The following ITIH5 variants were observed in gnomAD, a reference collection of about 807,000 sequenced individuals.
ITIH5 encodes inter-alpha-trypsin inhibitor heavy chain 5.
A neutral mutation model predicts 77.5 loss-of-function variants in ITIH5; 65 were observed. That is an observed-to-expected ratio of 0.84 (90% CI 0.69 to 1.03). The LOEUF is 1.03. Ranked by LOEUF, ITIH5 falls within the 50% of genes least tolerant of loss-of-function variation. The pLI, the probability that ITIH5 is intolerant of heterozygous loss-of-function variation, is 0.00. For missense variants in ITIH5, 1,208 were observed against 1,213.1 expected (o/e 1.00, Z 0.06); for synonymous variants, 525 against 494.3 (o/e 1.06, Z -0.82).
chr10:7,659,505 G>A (rs1421434128), intron 1 of ITIH5, among the ~76,000 whole-genome samples: 1 of 152,194 alleles, frequency 6.6e-6, no homozygotes, highest in Non-Finnish European at 1.5e-5. Flanking sequence ...AGTCTTGCAT[G>A]ATCATCTCTT....
intron 5 of ITIH5, among the ~76,000 whole-genome samples, chr10:7,631,494 C>T (rs1023773759): frequency 2.8e-5 from 4 of 143,650 alleles, no homozygotes; most frequent in Non-Finnish European, 6.0e-5. Flanking sequence ...AACAATCATG[C>T]TTTTCTCCAA....
At chr10:7,661,171 A>T (rs1834270856) in intron 1 of ITIH5, among the ~76,000 whole-genome samples, 1 of 151,620 alleles carries the variant, frequency 6.6e-6, no homozygotes, top group South Asian at 2.1e-4. Flanking sequence ...CATCCCTCCC[A>T]CCCCCATTCC....
chr10:7,647,443 A>G (rs967141779), intron 2 of ITIH5, among the ~76,000 whole-genome samples: 2 of 152,148 alleles, frequency 1.3e-5, no homozygotes, highest in Non-Finnish European at 2.9e-5. Flanking sequence ...CCCCAGAGCA[A>G]CCTCCAGCAA....
At chr10:7,643,010 G>A (rs910736345) in intron 2 of ITIH5, among the ~76,000 whole-genome samples, 2 of 152,238 alleles carry the variant, frequency 1.3e-5, no homozygotes, top group Non-Finnish European at 2.9e-5. Flanking sequence ...TTGGAGATGA[G>A]TGCCTTTGGG....
intron 13 of ITIH5, among the ~76,000 whole-genome samples, chr10:7,565,390 AC>A (rs1360200809): frequency 6.7e-6 from 1 of 148,900 alleles, no homozygotes; most frequent in African/African-American, 2.5e-5. Flanking sequence ...ATATATACAC[AC>A]ATATCATGCA....
chr10:7,643,178 C>A (rs953699608), intron 2 of ITIH5, among the ~76,000 whole-genome samples: 16 of 152,174 alleles, frequency 1.1e-4, no homozygotes, highest in Admixed American at 4.6e-4. Context: ...TGTCTGCAAG[C>A]CAGGACAAGA....
Position 7,559,689 on chromosome 10 carries a change from C to T in ITIH5, c.*3394G>A, listed in dbSNP as rs1040890817. ...AGACTTGAGTAGCTTAAACAAAACA[C>T]ATTTATTTCTCACAGTTCTGGAGGC... On this transcript the variant is annotated 3_prime_UTR_variant, in exon 14 of 14. Coordinates refer to ENST00000397146, the MANE Select transcript of ITIH5 (RefSeq NM_030569.7). 32 of 381,624 alleles carry T rather than the reference C, an allele frequency of 8.4e-5. No individual in the cohort carries two copies. The highest frequency in any genetic ancestry group is 1.3e-4 in the Non-Finnish European group (26 of 195,592). The allele number at this position is 381,624 out of a possible 1,614,324, so 23.6% of individuals were successfully genotyped here.
At chr10:7,572,945 T>G in intron 11 of ITIH5, 197 bp downstream of exon 11, 1 of 506,790 alleles carries the variant, frequency 2.0e-6, no homozygotes, top group Non-Finnish European at 3.6e-6. Flanking sequence ...GCCTGGCTAA[T>G]TTTTGTATTT....
intron 10 of ITIH5, among the ~76,000 whole-genome samples, chr10:7,576,135 C>T (rs1832408615): frequency 1.3e-5 from 2 of 152,294 alleles, no homozygotes; most frequent in Admixed American, 1.3e-4. Context: ...AGTGATCCTC[C>T]TTCCTCAGCC....
chr10:7,614,132 C>G (rs144142031), intron 7 of ITIH5, among the ~76,000 whole-genome samples: 219 of 152,226 alleles, frequency 1.4e-3, no homozygotes, highest in African/African-American at 5.1e-3. Flanking sequence ...CATTTTCAGA[C>G]AAAGACAGAG....
intron 2 of ITIH5, among the ~76,000 whole-genome samples, chr10:7,649,662 GAA>G (rs1455097970): frequency 3.3e-5 from 5 of 152,198 alleles, no homozygotes; most frequent in Non-Finnish European, 7.3e-5. Context: ...TACATGTGGT[GAA>G]AGAGAACAGA....
rs576332184 is a variant in ITIH5, at chr10:7,644,717, CAT to C, written c.136-2629_136-2628del. On this transcript the variant is annotated intron_variant, in intron 2 of 13. Transcript: ENST00000397146. The stretch of plus-strand genomic sequence containing the variant: ...TCACATATCTATATCACATATATAT[CAT>C]ATATATCACATATCTATATCACATA... 1.6e-3 allele frequency among the ~76,000 whole-genome samples: 216 copies of C among 131,490 alleles called. 1 individual carries two copies. The highest frequency in any genetic ancestry group is 2.7e-3 in the Non-Finnish European group (174 of 64,484). 86.3% of individuals were successfully genotyped at this position (131,490 alleles called of 152,430 possible). A position where few individuals can be genotyped will look rare whatever the true frequency, so the allele number is the denominator to read the frequency against.
intron 9 of ITIH5, 142 bp downstream of exon 9, chr10:7,579,613 C>A (rs1832497575): frequency 1.3e-6 from 1 of 786,298 alleles, no homozygotes; most frequent in African/African-American, 1.7e-5. Context: ...CACATGGTGA[C>A]ACCTCCCATT....
chr10:7,590,491 T>C (rs1366513511), intron 7 of ITIH5, among the ~76,000 whole-genome samples: 1 of 152,270 alleles, frequency 6.6e-6, no homozygotes, highest in Non-Finnish European at 1.5e-5. Context: ...TCCCCGGCTG[T>C]GTGCGTGTGC....
intron 1 of ITIH5, among the ~76,000 whole-genome samples, chr10:7,663,673 T>A (rs1261692891): frequency 6.6e-6 from 1 of 152,184 alleles, no homozygotes; most frequent in Non-Finnish European, 1.5e-5. Context: ...AAAGCCTAGA[T>A]CCACCCCTGC....
At chr10:7,608,737 A>G (rs1375934964) in intron 7 of ITIH5, among the ~76,000 whole-genome samples, 1 of 152,222 alleles carries the variant, frequency 6.6e-6, no homozygotes, top group African/African-American at 2.4e-5. Context: ...GCACACTCGG[A>G]TGTCACTTGC....
intron 9 of ITIH5, chr10:7,578,344 C>G (rs182479341): frequency 6.0e-6 from 1 of 167,574 alleles, no homozygotes; most frequent in African/African-American, 2.4e-5. Context: ...CATCGAAGTT[C>G]CTGGTGTATC....
At chr10:7,566,826 GGAAGAGGAAGAGGAAGAGGAAGAA>G (rs1564232577) in intron 12 of ITIH5, among the ~76,000 whole-genome samples, 152 of 60,504 alleles carry the variant, frequency 2.5e-3, no homozygotes, top group East Asian at 3.4e-3. Flanking sequence ...AAGAGGAAGA[GGAAGAGGAAGAGGAAGAGGAAGAA>G]GAAGAAGAAG....
chr10:7,619,675 C>A, intron 5 of ITIH5: 1 of 268,506 alleles, frequency 3.7e-6, no homozygotes, highest in Non-Finnish European at 8.1e-6. Context: ...GAGCGAGAGA[C>A]AGAACTGGGA....
Sources: gnomAD v4.1 joint callset for allele counts (sites outside exome capture counted in the v4.1 genomes callset) on GRCh38, gnomAD v4.1.1 for gene constraint, MANE v1.5 for transcripts, NCBI Gene and HGNC (gene_info 2026-07-23, HGNC 2026-07-21) for gene names.